THOC2: variants seen among roughly 807,000 people sequenced by gnomAD.
The protein encoded by THOC2 is THO complex 2.
Under a neutral mutation model 128.4 loss-of-function variants are expected in THOC2, and 10 were observed. That is an observed-to-expected ratio of 0.08 (90% confidence interval 0.05 to 0.13). The LOEUF (loss-of-function observed/expected upper bound fraction) is 0.13, where lower values mean the gene tolerates loss of function less well. Among genes scored for constraint, THOC2 ranks in the 10% least tolerant of loss-of-function variants. THOC2 has a pLI of 1.00. For synonymous variants in THOC2, 393 were observed against 396.9 expected, an observed-to-expected ratio of 0.99 and a Z score of 0.12; for missense variants, 535 against 1,155.7, an observed-to-expected ratio of 0.46 and a Z score of 7.79.
chrX:123,721,701 G>C (rs775726251), intron 1 of THOC2, among the ~76,000 whole-genome samples: 1 of 108,128 alleles, frequency 9.2e-6, no homozygotes, highest in African/African-American at 3.4e-5. Context: ...CAGGAGAATC[G>C]CTTGGACTCA....
At chrX:123,640,703 G>C in intron 15 of THOC2, 81 bp from the exon 16 acceptor site, 2 of 526,345 alleles carry the variant, frequency 3.8e-6, no homozygotes, top group Non-Finnish European at 6.0e-6. Flanking sequence ...CATCATCGTG[G>C]GGGAAAAAGC....
chrX:123,702,526 T>C, intron 4 of THOC2, among the ~76,000 whole-genome samples: 1 of 105,556 alleles, frequency 9.5e-6, no homozygotes, highest in Non-Finnish European at 1.9e-5. Context: ...ATATATAATA[T>C]ATATTACATA....
chrX:123,671,685 T>A lies in THOC2; in HGVS notation c.845A>T (p.Asp282Val), dbSNP rs2049284967. Residue 282 changes from aspartate to valine, a missense_variant, in exon 9 of 39, where the codon GAT becomes GTT. By Grantham distance (152) the Asp-to-Val change is radical. Transcript: ENST00000245838. Reference protein sequence around the residue: ...VLLQFNLIDLDDLYVHLLPAD... With the variant: ...VLLQFNLIDLVDLYVHLLPAD... ...TTGACTTACATGTACATAAAGATCA[T>A]CTAAATCAATAAGATTAAATTGTAG... 1.7e-6 allele frequency: 2 copies of A among 1,159,481 alleles called. 1 individual carries two copies. Among genetic ancestry groups the A allele is most frequent in the Non-Finnish European group, 2.3e-6 (2 of 859,540 alleles).
chrX:123,661,410 AAAAACAAAAC>A (rs892287645), intron 12 of THOC2, among the ~76,000 whole-genome samples: 1 of 111,097 alleles, frequency 9.0e-6, no homozygotes, highest in African/African-American at 3.3e-5. Context: ...CATCTCAAAA[AAAAACAAAAC>A]AAAACAAACA....
At chrX:123,624,916 A>G (rs1299499948) in intron 25 of THOC2, among the ~76,000 whole-genome samples, 3 of 110,951 alleles carry the variant, frequency 2.7e-5, no homozygotes, top group African/African-American at 9.9e-5. Context: ...GTGACAAGGA[A>G]AAAAAAATTT....
At chrX:123,614,779 C>T (rs1280059144) in intron 33 of THOC2, among the ~76,000 whole-genome samples, 2 of 111,756 alleles carry the variant, frequency 1.8e-5, no homozygotes, top group East Asian at 5.5e-4. Flanking sequence ...ACTCCAATTT[C>T]TATCAAAATA....
At chrX:123,722,748 T>C (rs2051760943) in intron 1 of THOC2, among the ~76,000 whole-genome samples, 1 of 110,966 alleles carries the variant, frequency 9.0e-6, no homozygotes, top group Non-Finnish European at 1.9e-5. Flanking sequence ...AAATGACAGT[T>C]GTAACACATG....
chrX:123,703,625 C>T, intron 3 of THOC2, 120 bp from the exon 4 acceptor site: 1 of 386,558 alleles, frequency 2.6e-6, no homozygotes, highest in Non-Finnish European at 4.4e-6. Flanking sequence ...CAGTGGCTCA[C>T]ACCTGTAATC....
At chrX:123,601,733 G>C (rs1372029259) in intron 38 of THOC2, 1 of 110,216 alleles carries the variant, frequency 9.1e-6, no homozygotes, top group Non-Finnish European at 1.9e-5. Context: ...GTGTGGGAGA[G>C]AGGGGTGGGG....
chrX:123,623,408 C>A (rs2047155292), intron 28 of THOC2, 125 bp from the exon 29 acceptor site: 2 of 734,235 alleles, frequency 2.7e-6, no homozygotes, highest in African/African-American at 2.2e-5. Flanking sequence ...TAAAAAATAC[C>A]AATTTTTAAT....
intron 2 of THOC2, among the ~76,000 whole-genome samples, chrX:123,708,501 T>TTTTTTTGGC (rs1244992580): frequency 9.1e-6 from 1 of 109,967 alleles, no homozygotes; most frequent in Non-Finnish European, 1.9e-5. Flanking sequence ...ATTAAGGTGG[T>TTTTTTTGGC]TTTTTTGGCT....
intron 38 of THOC2, chrX:123,603,496 A>T: frequency 3.5e-6 from 2 of 572,207 alleles, no homozygotes; most frequent in Non-Finnish European, 5.8e-6. Context: ...TATCTCGAGT[A>T]AAAAATGTAT....
At chrX:123,721,178 G>C (rs1240328853) in intron 1 of THOC2, among the ~76,000 whole-genome samples, 1 of 108,359 alleles carries the variant, frequency 9.2e-6, no homozygotes, top group Non-Finnish European at 1.9e-5. Context: ...TTTTTTGTTT[G>C]TTTGTTTGTT....
chrX:123,707,048 T>C (rs889887129), intron 2 of THOC2, 99 bp from the exon 3 acceptor site: 1 of 344,769 alleles, frequency 2.9e-6, no homozygotes, highest in Admixed American at 6.1e-5. Context: ...TAAACATCAA[T>C]AATGAAAAAT....
At chrX:123,732,799 C>G (rs1391294899) in intron 1 of THOC2, among the ~76,000 whole-genome samples, 153 bp downstream of exon 1, 2 of 111,111 alleles carry the variant, frequency 1.8e-5, no homozygotes, top group African/African-American at 6.5e-5. Flanking sequence ...GCACCTCTCC[C>G]CGAGTTCGAA....
chrX:123,710,977 G>A (rs1391459322), intron 2 of THOC2, among the ~76,000 whole-genome samples: 5 of 98,421 alleles, frequency 5.1e-5, no homozygotes, highest in Non-Finnish European at 1.0e-4. Flanking sequence ...GTGACAGAGC[G>A]AGATTCCATC....
chrX:123,656,250 G>A (rs762172176), intron 12 of THOC2, among the ~76,000 whole-genome samples: 3 of 103,182 alleles, frequency 2.9e-5, no homozygotes, highest in African/African-American at 7.1e-5. Context: ...TTGAACCCGT[G>A]AACCCGGGAG....
At position 123,706,922 on chromosome X, in the gene THOC2, G is replaced by A. The variant is rs1271119365; in HGVS notation, c.158C>T (p.Ser53Leu). The A allele has an allele frequency of 8.6e-7, 1 of 1,158,592 alleles. No homozygotes were observed. Among genetic ancestry groups the A allele is most frequent in the East Asian group, 3.1e-5 (1 of 32,409 alleles). Reference protein sequence around the residue: ...RDFQQALYELSYHVIKGNLKH... With the variant: ...RDFQQALYELLYHVIKGNLKH... ...TAGATTTCCTTTAATTACATGATAT[G>A]ACAACTCATAGAGAGCTTGCTGGAA... Residue 53 changes from serine to leucine, a missense_variant, in exon 3 of 39, where the codon TCA becomes TTA. Ser to Leu is a moderately radical substitution (Grantham distance 145, BLOSUM62 -2). This residue lies in a region of THOC2 where 61 missense variants were observed against 84.3 expected (regional missense o/e 0.72). Transcript: ENST00000245838.
At chrX:123,725,873 T>C (rs753079625) in intron 1 of THOC2, among the ~76,000 whole-genome samples, 3 of 111,274 alleles carry the variant, frequency 2.7e-5, no homozygotes, top group African/African-American at 6.5e-5. Flanking sequence ...AATTCCCTCT[T>C]TGGGTTCTCA....
Sources: gnomAD v4.1 joint callset for allele counts (sites outside exome capture counted in the v4.1 genomes callset) on GRCh38, gnomAD v4.1.1 for gene constraint, gnomAD v4.1.1 regional missense constraint, MANE v1.5 for transcripts, NCBI Gene and HGNC (gene_info 2026-07-23, HGNC 2026-07-21) for gene names.